Variants in TTC29 observed in about 807,000 individuals in gnomAD.
The protein encoded by TTC29 is tetratricopeptide repeat domain 29.
TTC29 carries 49 observed loss-of-function variants against 58.1 expected under a neutral mutation model. The observed-to-expected ratio is 0.84, with a 90% CI of 0.67 to 1.07. The LOEUF (loss-of-function observed/expected upper bound fraction) is 1.07. Among genes scored for constraint, TTC29 ranks in the 50% least tolerant of loss-of-function variants. The pLI is 0.00. For synonymous variants in TTC29, 209 were observed against 196.8 expected, an observed-to-expected ratio of 1.06 and a Z score of -0.52; for missense variants, 582 against 555.6, an observed-to-expected ratio of 1.05 and a Z score of -0.48.
chr4:146,858,647 A>T (rs1730029785), intron 8 of TTC29, among the ~76,000 whole-genome samples: 1 of 152,210 alleles, frequency 6.6e-6, no homozygotes. Context: ...TATTAATAGT[A>T]ACATAATAGT....
intron 2 of TTC29, chr4:146,944,348 C>T (rs975654702): frequency 6.6e-6 from 1 of 152,222 alleles, no homozygotes; most frequent in Non-Finnish European, 1.5e-5. Flanking sequence ...GTTTGGCCCC[C>T]ACATGCAAAG....
chr4:146,717,702 T>A (rs1743036419), intron 11 of TTC29, among the ~76,000 whole-genome samples: 1 of 152,210 alleles, frequency 6.6e-6, no homozygotes, highest in South Asian at 2.1e-4. Context: ...ATCAAGCTAG[T>A]TTGTGTGTCC....
chr4:146,848,141 T>C (rs1372989660), intron 8 of TTC29, among the ~76,000 whole-genome samples: 1 of 152,240 alleles, frequency 6.6e-6, no homozygotes, highest in Non-Finnish European at 1.5e-5. Flanking sequence ...GAATCAAATG[T>C]ACTGGAAAGA....
At chr4:146,873,876 C>A (rs921267980) in intron 7 of TTC29, among the ~76,000 whole-genome samples, 1 of 152,064 alleles carries the variant, frequency 6.6e-6, no homozygotes, top group Non-Finnish European at 1.5e-5. Flanking sequence ...CTTAATAAAC[C>A]AATCAATTAA....
chr4:146,713,949 C>T (rs1742730107), intron 11 of TTC29, among the ~76,000 whole-genome samples: 2 of 152,092 alleles, frequency 1.3e-5, no homozygotes, highest in Non-Finnish European at 2.9e-5. Context: ...GTGTTAATGT[C>T]TTCATACAGT....
intron 11 of TTC29, among the ~76,000 whole-genome samples, chr4:146,765,246 G>T (rs1017449007): frequency 2.0e-5 from 3 of 152,110 alleles, no homozygotes; most frequent in African/African-American, 7.2e-5. Flanking sequence ...ATATAAAAAA[G>T]AGAGGTGTGT....
Position 146,909,026 on chromosome 4 carries a change from C to A in TTC29, c.400G>T (p.Glu134Ter). Reference protein sequence around the residue: ...LTRAEDAERKESFEDVHNNLY... With the variant: ...LTRAEDAERK The stretch of plus-strand genomic sequence containing the variant: ...CTCTGCCCACAGTCCCACCACTTAC[C>A]TTTCCTCTCAGCGTCCTCAGCCCTG... The change falls in exon 5 of 13, where the codon GAA becomes TAA. Residue 134 changes from glutamate (E) to a stop codon, truncating the protein, a stop_gained and splice_region_variant. Transcript: ENST00000325106. LOFTEE classifies it high-confidence loss of function. 1 of 1,613,450 alleles carries A rather than the reference C, an allele frequency of 6.2e-7. No homozygotes were observed. Among genetic ancestry groups the A allele is most frequent in the Non-Finnish European group, 8.5e-7 (1 of 1,179,574 alleles).
chr4:146,892,825 C>T (rs1476889268), intron 6 of TTC29, among the ~76,000 whole-genome samples: 5 of 152,224 alleles, frequency 3.3e-5, no homozygotes, highest in Non-Finnish European at 1.5e-5. Context: ...TGATAGGCAA[C>T]TTCAGCAAAG....
intron 10 of TTC29, among the ~76,000 whole-genome samples, chr4:146,805,244 A>G (rs1011021196): frequency 3.3e-5 from 5 of 152,180 alleles, no homozygotes; most frequent in African/African-American, 1.2e-4. Flanking sequence ...ACCAACATCA[A>G]AGACCAAAGG....
At chr4:146,783,134 G>T (rs144740590) in intron 11 of TTC29, among the ~76,000 whole-genome samples, 1 of 151,734 alleles carries the variant, frequency 6.6e-6, no homozygotes. Flanking sequence ...ATATATTTAT[G>T]GTGTACAACA....
At chr4:146,846,192 G>A (rs941333403) in intron 8 of TTC29, among the ~76,000 whole-genome samples, 1 of 152,110 alleles carries the variant, frequency 6.6e-6, no homozygotes, top group African/African-American at 2.4e-5. Context: ...AGCCAGTCCT[G>A]GAGATATGAA....
At chr4:146,851,908 C>G (rs189427647) in intron 8 of TTC29, among the ~76,000 whole-genome samples, 1 of 152,296 alleles carries the variant, frequency 6.6e-6, no homozygotes. Flanking sequence ...AGCTACAAAG[C>G]AGTGGGTCAT....
intron 6 of TTC29, among the ~76,000 whole-genome samples, chr4:146,901,914 C>T (rs572028567): frequency 6.6e-6 from 1 of 152,210 alleles, no homozygotes; most frequent in African/African-American, 2.4e-5. Context: ...TTCTGCTATC[C>T]CCTGACACTA....
At chr4:146,767,344 T>G (rs1206668880) in intron 11 of TTC29, among the ~76,000 whole-genome samples, 1 of 151,892 alleles carries the variant, frequency 6.6e-6, no homozygotes, top group Admixed American at 6.6e-5. Flanking sequence ...ACAACTGCTC[T>G]GGGTCTCTCA....
intron 11 of TTC29, among the ~76,000 whole-genome samples, chr4:146,717,816 T>C (rs2150000227): frequency 6.6e-6 from 1 of 152,286 alleles, no homozygotes; most frequent in South Asian, 2.1e-4. Flanking sequence ...ATATTTACCA[T>C]GATGTGCAAT....
At chr4:146,938,615 C>A (rs1444521146) in intron 3 of TTC29, among the ~76,000 whole-genome samples, 3 of 152,014 alleles carry the variant, frequency 2.0e-5, no homozygotes, top group Non-Finnish European at 4.4e-5. Context: ...ATGAATTATG[C>A]ATTCATTGAA....
chr4:146,819,399 C>T (rs1021426004), intron 10 of TTC29, among the ~76,000 whole-genome samples: 4 of 152,036 alleles, frequency 2.6e-5, no homozygotes, highest in African/African-American at 9.7e-5. Flanking sequence ...AATTTGAGAA[C>T]ATAATTACCC....
intron 11 of TTC29, among the ~76,000 whole-genome samples, chr4:146,714,487 T>C (rs1411157090): frequency 1.3e-5 from 2 of 151,578 alleles, no homozygotes; most frequent in African/African-American, 2.4e-5. Flanking sequence ...AATTGAAACA[T>C]AGTTCAAGAA....
At chr4:146,786,386 T>C (rs1251096420) in intron 11 of TTC29, among the ~76,000 whole-genome samples, 1 of 152,250 alleles carries the variant, frequency 6.6e-6, no homozygotes, top group Non-Finnish European at 1.5e-5. Context: ...TAAAATTTAA[T>C]CCACTCTACT....
Sources: gnomAD v4.1 joint callset for allele counts (sites outside exome capture counted in the v4.1 genomes callset) on GRCh38, gnomAD v4.1.1 for gene constraint, MANE v1.5 for transcripts, NCBI Gene and HGNC (gene_info 2026-07-23, HGNC 2026-07-21) for gene names.